Variants in ACSS3 observed in about 807,000 individuals in gnomAD.
ACSS3 encodes the protein acyl-CoA synthetase short-chain family member 3, mitochondrial.
A neutral mutation model predicts 84.2 loss-of-function variants in ACSS3; 64 were observed. The observed-to-expected ratio is 0.76, with a 90% CI of 0.62 to 0.94. ACSS3 has a LOEUF of 0.94. ACSS3 is among the 40% of genes least tolerant of loss of function. ACSS3 has a pLI of 0.00. For missense variants in ACSS3, 815 were observed against 867.6 expected (o/e 0.94, Z 0.76); for synonymous variants, 317 against 310.1 (o/e 1.02, Z -0.23).
intron 1 of ACSS3, among the ~76,000 whole-genome samples, chr12:81,093,033 G>A (rs1881769759): frequency 6.6e-6 from 1 of 152,000 alleles, no homozygotes; most frequent in African/African-American, 2.4e-5. Context: ...TGGGTGCAAG[G>A]TATAGGTTGG....
At chr12:81,229,569 T>A (rs2033386612) in intron 11 of ACSS3, among the ~76,000 whole-genome samples, 1 of 151,912 alleles carries the variant, frequency 6.6e-6, no homozygotes, top group Non-Finnish European at 1.5e-5. Flanking sequence ...AGTATTTACA[T>A]AATAAGCTCA....
Position 81,255,797 on chromosome 12 carries a change from A to C in ACSS3, c.*875A>C, listed in dbSNP as rs891448976. On this transcript the variant is annotated 3_prime_UTR_variant, in exon 16 of 16. Coordinates refer to ENST00000548058, the MANE Select transcript of ACSS3 (RefSeq NM_024560.4). Reference sequence around the variant, plus strand: ...GGTGACAGAGTAAGACTCCATCTCAAAACAACAAAAACAACAAAAAAACCA... The same window carrying C: ...GGTGACAGAGTAAGACTCCATCTCACAACAACAAAAACAACAAAAAAACCA... 4 of 152,306 alleles carry C rather than the reference A, an allele frequency of 2.6e-5. No individual in the cohort carries two copies. The highest frequency in any genetic ancestry group is 9.6e-5 in the African/African-American group (4 of 41,454). 9.4% of individuals were successfully genotyped at this position (152,306 alleles called of 1,614,324 possible). A position where few individuals can be genotyped will look rare whatever the true frequency, so the allele number is the denominator to read the frequency against.
At chr12:81,184,331 T>C (rs1298983212) in intron 8 of ACSS3, among the ~76,000 whole-genome samples, 4 of 151,652 alleles carry the variant, frequency 2.6e-5, no homozygotes, top group African/African-American at 9.7e-5. Context: ...ATGCCTACAA[T>C]TAGAAAGAAG....
chr12:81,251,135 G>T (rs556420622), intron 13 of ACSS3, among the ~76,000 whole-genome samples: 196 of 152,226 alleles, frequency 1.3e-3, no homozygotes, highest in Admixed American at 4.0e-3. Context: ...ATCTGAAAAG[G>T]CTACATACTG....
chr12:81,085,855 TG>T (rs1881275374), intron 1 of ACSS3, among the ~76,000 whole-genome samples: 1 of 152,216 alleles, frequency 6.6e-6, no homozygotes, highest in South Asian at 2.1e-4. Flanking sequence ...TCTAGAAGAA[TG>T]TCCTTATTTA....
intron 3 of ACSS3, among the ~76,000 whole-genome samples, chr12:81,136,687 G>A (rs1028769698): frequency 6.6e-6 from 1 of 152,150 alleles, no homozygotes; most frequent in African/African-American, 2.4e-5. Flanking sequence ...TGACTAAAAG[G>A]TGAGAGAAGG....
chr12:81,107,484 G>GTT (rs57506230), intron 1 of ACSS3, among the ~76,000 whole-genome samples: 12 of 81,264 alleles, frequency 1.5e-4, no homozygotes, highest in Admixed American at 4.8e-4. Context: ...TGCCAGAAAT[G>GTT]TTTTTTTTTT....
intron 4 of ACSS3, among the ~76,000 whole-genome samples, chr12:81,141,652 T>C (rs1022874242): frequency 1.8e-4 from 28 of 152,234 alleles, no homozygotes; most frequent in Admixed American, 5.2e-4. Context: ...ATTAGAGTCC[T>C]ATCAAAATTA....
intron 3 of ACSS3, among the ~76,000 whole-genome samples, chr12:81,136,706 C>T (rs1387000456): frequency 6.6e-6 from 1 of 152,074 alleles, no homozygotes; most frequent in East Asian, 1.9e-4. Context: ...GGTGAGCTTG[C>T]AAGGGTAGGT....
intron 8 of ACSS3, among the ~76,000 whole-genome samples, chr12:81,199,009 C>T (rs1314303918): frequency 6.6e-6 from 1 of 152,130 alleles, no homozygotes; most frequent in African/African-American, 2.4e-5. Flanking sequence ...TTAGCGGAGA[C>T]AATGTCAAGG....
chr12:81,205,073 G>A lies in ACSS3; in HGVS notation c.1354+5629G>A, dbSNP rs936018577. Among the ~76,000 whole-genome samples the A allele has an allele frequency of 5.9e-5, 9 of 152,114 alleles. No individual in the cohort carries two copies. In the Middle Eastern group the frequency reaches 0.014, roughly 230 times the overall value. ...ACTCCATAATTGATTGAACTGCTTC[G>A]GTTTTAATTGTAACTGCAGTTCTGA... On this transcript the variant is annotated intron_variant, in intron 9 of 15. Coordinates refer to ENST00000548058, the MANE Select transcript of ACSS3 (RefSeq NM_024560.4).
At chr12:81,205,813 G>A (rs552699361) in intron 9 of ACSS3, among the ~76,000 whole-genome samples, 2 of 152,190 alleles carry the variant, frequency 1.3e-5, no homozygotes, top group South Asian at 4.1e-4. Flanking sequence ...TCAGCATTGA[G>A]AACATTATGC....
At chr12:81,195,739 AG>A (rs1207327416) in intron 8 of ACSS3, among the ~76,000 whole-genome samples, 1 of 152,094 alleles carries the variant, frequency 6.6e-6, no homozygotes, top group Non-Finnish European at 1.5e-5. Flanking sequence ...TACTCACAAA[AG>A]TTATTCAAAA....
At chr12:81,218,465 CA>C (rs912865827) in intron 10 of ACSS3, among the ~76,000 whole-genome samples, 34 of 152,190 alleles carry the variant, frequency 2.2e-4, no homozygotes, top group Non-Finnish European at 4.4e-4. Context: ...TGGCTAGTTA[CA>C]AAAACGTGGA....
intron 2 of ACSS3, among the ~76,000 whole-genome samples, chr12:81,132,398 T>G (rs1185267393): frequency 6.6e-6 from 1 of 152,156 alleles, no homozygotes; most frequent in Non-Finnish European, 1.5e-5. Flanking sequence ...TCTTCTAGAT[T>G]TTCTAGTTTA....
At position 81,258,944 on chromosome 12, in the gene ACSS3, T is replaced by G. The variant is rs2034532429; in HGVS notation, c.*4022T>G. On this transcript the variant is annotated 3_prime_UTR_variant, in exon 16 of 16. Coordinates refer to ENST00000548058, the MANE Select transcript of ACSS3 (RefSeq NM_024560.4). ...ATTTTTAAATAATTGCTTTTGACCC[T>G]TGTAAACAGCTTGGCTTTGTTTTGT... 1 of 152,190 alleles carries G rather than the reference T, an allele frequency of 6.6e-6. No individual in the cohort carries two copies. The highest frequency in any genetic ancestry group is 1.5e-5 in the Non-Finnish European group (1 of 68,080). 9.4% of individuals were successfully genotyped at this position (152,190 alleles called of 1,614,324 possible). A position where few individuals can be genotyped will look rare whatever the true frequency, so the allele number is the denominator to read the frequency against.
chr12:81,226,246 CT>C (rs1193425045), intron 11 of ACSS3, among the ~76,000 whole-genome samples: 1 of 151,908 alleles, frequency 6.6e-6, no homozygotes, highest in Non-Finnish European at 1.5e-5. Context: ...ATTATTAAAA[CT>C]GTATTCTAGT....
intron 9 of ACSS3, chr12:81,199,660 G>C (rs1304137878): frequency 6.8e-7 from 1 of 1,470,106 alleles, no homozygotes. Context: ...TGGTCCCTAG[G>C]TATAAAGCAC....
At chr12:81,175,812 C>A (rs1417368792) in intron 8 of ACSS3, among the ~76,000 whole-genome samples, 1 of 152,010 alleles carries the variant, frequency 6.6e-6, no homozygotes, top group Non-Finnish European at 1.5e-5. Flanking sequence ...TGAATGAAAA[C>A]AAATGTACAA....
Sources: allele counts gnomAD v4.1 joint callset (sites outside exome capture counted in the v4.1 genomes callset), GRCh38; gene constraint gnomAD v4.1.1; transcripts MANE v1.5; gene names NCBI Gene and HGNC (gene_info 2026-07-23, HGNC 2026-07-21).